PTPN14: variants seen among roughly 807,000 people sequenced by gnomAD.
PTPN14 encodes the protein tyrosine-protein phosphatase non-receptor type 14.
Under a neutral mutation model 126.8 loss-of-function variants are expected in PTPN14, and 53 were observed. That is an observed-to-expected ratio of 0.42 (90% confidence interval 0.34 to 0.53). The LOEUF is 0.53. Among genes scored for constraint, PTPN14 ranks in the 20% least tolerant of loss-of-function variants. The pLI is 0.08. For synonymous variants in PTPN14, 630 were observed against 599.3 expected (o/e 1.05, Z -0.75); for missense variants, 1,257 against 1,552.9 (o/e 0.81, Z 3.20).
intron 1 of PTPN14, chr1:214,532,558 G>T: frequency 9.3e-7 from 1 of 1,070,000 alleles, no homozygotes; most frequent in South Asian, 1.2e-5. Flanking sequence ...GTCAGAGACT[G>T]GGGGCCATTA....
chr1:214,453,567 A>C (rs947646862), intron 2 of PTPN14, among the ~76,000 whole-genome samples: 4 of 123,640 alleles, frequency 3.2e-5, no homozygotes, highest in African/African-American at 1.1e-4. Flanking sequence ...ATGGTAAGTA[A>C]CTACATCATA....
chr1:214,442,936 G>A (rs1436600649), intron 3 of PTPN14, among the ~76,000 whole-genome samples: 4 of 151,614 alleles, frequency 2.6e-5, no homozygotes, highest in Admixed American at 6.6e-5. Context: ...CGATTCTCCC[G>A]CCTCAGCCTC....
intron 3 of PTPN14, among the ~76,000 whole-genome samples, chr1:214,438,429 T>C (rs536417384): frequency 1.3e-5 from 2 of 152,344 alleles, no homozygotes; most frequent in South Asian, 4.1e-4. Context: ...TCTATGATAA[T>C]AACACAAAAT....
intron 1 of PTPN14, among the ~76,000 whole-genome samples, chr1:214,503,682 C>G (rs980118629): frequency 6.6e-6 from 1 of 152,270 alleles, no homozygotes; most frequent in East Asian, 1.9e-4. Context: ...AACAATTAGT[C>G]GGTGTAATTC....
intron 1 of PTPN14, among the ~76,000 whole-genome samples, chr1:214,496,753 T>C (rs1343875561): frequency 1.3e-5 from 2 of 151,666 alleles, no homozygotes; most frequent in Non-Finnish European, 3.0e-5. Flanking sequence ...TGAATTTCTA[T>C]GATTCAGTTT....
intron 13 of PTPN14, among the ~76,000 whole-genome samples, chr1:214,381,650 A>G (rs1419846367): frequency 6.6e-6 from 1 of 152,232 alleles, no homozygotes; most frequent in Non-Finnish European, 1.5e-5. Flanking sequence ...GGCTTCCTTA[A>G]AACTTTGGGC....
intron 3 of PTPN14, among the ~76,000 whole-genome samples, chr1:214,441,782 T>TA (rs1660041615): frequency 1.3e-5 from 2 of 152,216 alleles, no homozygotes; most frequent in Non-Finnish European, 2.9e-5. Context: ...ACACCTTTGT[T>TA]AAAGGTAAAC....
chr1:214,482,703 GCAAAAGTT>G (rs1661020698), intron 1 of PTPN14: 1 of 1,193,930 alleles, frequency 8.4e-7, no homozygotes, highest in South Asian at 1.6e-5. Flanking sequence ...AAATCCAAGA[GCAAAAGTT>G]AAGACTCTCC....
intron 1 of PTPN14, among the ~76,000 whole-genome samples, chr1:214,541,075 CA>C (rs992162586): frequency 5.3e-5 from 8 of 151,796 alleles, no homozygotes; most frequent in Admixed American, 1.3e-4. Context: ...TGAAAATAAG[CA>C]AACAGTACAG....
intron 15 of PTPN14, among the ~76,000 whole-genome samples, chr1:214,375,606 C>T (rs1658326263): frequency 6.6e-6 from 1 of 152,178 alleles, no homozygotes; most frequent in African/African-American, 2.4e-5. Flanking sequence ...CTATGTAATA[C>T]TGACATATAA....
intron 1 of PTPN14, among the ~76,000 whole-genome samples, chr1:214,549,470 T>C (rs1055853302): frequency 2.0e-5 from 3 of 152,218 alleles, no homozygotes; most frequent in Non-Finnish European, 2.9e-5. Context: ...TGAACGAATT[T>C]TGCACCTCAT....
chr1:214,544,950 C>A (rs1185937906), intron 1 of PTPN14, among the ~76,000 whole-genome samples: 1 of 151,802 alleles, frequency 6.6e-6, no homozygotes, highest in Non-Finnish European at 1.5e-5. Flanking sequence ...GAAGGTGGAG[C>A]CTTAGTTGAC....
intron 17 of PTPN14, among the ~76,000 whole-genome samples, chr1:214,365,151 T>A (rs550129577): frequency 6.6e-6 from 1 of 152,160 alleles, no homozygotes; most frequent in Non-Finnish European, 1.5e-5. Flanking sequence ...CCCTCACTGA[T>A]GAGTGAATGT....
intron 1 of PTPN14, among the ~76,000 whole-genome samples, chr1:214,518,495 T>C (rs1655164186): frequency 6.6e-6 from 1 of 152,224 alleles, no homozygotes. Context: ...TTATCCTCTA[T>C]TATCCACTGT....
At chr1:214,398,078 A>G (rs963907204) in intron 7 of PTPN14, 77 bp from the exon 8 acceptor site, 24 of 1,205,120 alleles carry the variant, frequency 2.0e-5, no homozygotes, top group Non-Finnish European at 2.7e-5. Context: ...AAGATATGGA[A>G]TCGACCTGAG....
At chr1:214,471,375 A>G (rs1442685248) in intron 1 of PTPN14, among the ~76,000 whole-genome samples, 1 of 152,210 alleles carries the variant, frequency 6.6e-6, no homozygotes, top group Non-Finnish European at 1.5e-5. Context: ...GGCAGAATGA[A>G]TGGCAAAGTA....
chr1:214,488,781 C>T (rs1661170137), intron 1 of PTPN14, among the ~76,000 whole-genome samples: 1 of 152,176 alleles, frequency 6.6e-6, no homozygotes, highest in African/African-American at 2.4e-5. Flanking sequence ...GACAGCTGTG[C>T]TTAAGAAGAT....
chr1:214,381,735 C>T lies in PTPN14; in HGVS notation c.2544+1576G>A, dbSNP rs7516505. Among the ~76,000 whole-genome samples, 1,008 of 152,322 alleles carry T rather than the reference C, an allele frequency of 6.6e-3. 13 individuals are homozygous for T. Among genetic ancestry groups the T allele is most frequent in the African/African-American group, 0.023 (947 of 41,566 alleles). ...GGAAATGAAGGTGGCCTAATGGAAT[C>T]CATCAAAGCAAATTTTAAGTTACAA... On this transcript the variant is annotated intron_variant, in intron 13 of 18. Transcript: ENST00000366956.
At chr1:214,379,081 G>A (rs3013450) in intron 13 of PTPN14, among the ~76,000 whole-genome samples, 17,919 of 152,164 alleles carry the variant, frequency 0.12, 1,223 homozygotes, top group South Asian at 0.18. Flanking sequence ...AGCAAGCCAC[G>A]AAGGGCCTTT....
Sources: gnomAD v4.1 joint callset for allele counts (sites outside exome capture counted in the v4.1 genomes callset) on GRCh38, gnomAD v4.1.1 for gene constraint, MANE v1.5 for transcripts, NCBI Gene and HGNC (gene_info 2026-07-23, HGNC 2026-07-21) for gene names.